The following MYLK4 variants were observed in gnomAD, a reference collection of about 807,000 sequenced individuals.
The protein encoded by MYLK4 is caMLCK like.
A neutral mutation model predicts 48.1 loss-of-function variants in MYLK4; 46 were observed. The ratio of observed to expected loss-of-function variants is 0.96; its 90% confidence interval spans 0.75 to 1.22. The LOEUF (loss-of-function observed/expected upper bound fraction) is 1.22, where lower values mean the gene tolerates loss of function less well. MYLK4 is among the 50% of genes most tolerant of loss of function. The pLI is 0.00. For missense variants in MYLK4, 451 were observed against 486.1 expected, an observed-to-expected ratio of 0.93 and a Z score of 0.68; for synonymous variants, 170 against 180.8, an observed-to-expected ratio of 0.94 and a Z score of 0.48.
intron 2 of MYLK4, among the ~76,000 whole-genome samples, chr6:2,704,688 C>T (rs929652719): frequency 5.3e-5 from 8 of 152,164 alleles, no homozygotes; most frequent in Non-Finnish European, 1.2e-4. Flanking sequence ...GTTGCTGCCA[C>T]ATTTTACTTT....
At chr6:2,725,571 G>GAAAA (rs1353656570) in intron 2 of MYLK4, among the ~76,000 whole-genome samples, 1 of 123,416 alleles carries the variant, frequency 8.1e-6, no homozygotes, top group Non-Finnish European at 1.7e-5. Context: ...AAGAAAGAAA[G>GAAAA]AAAGAAAAAG....
chr6:2,688,816 T>C, intron 4 of MYLK4, 35 bp downstream of exon 4: 2 of 1,547,448 alleles, frequency 1.3e-6, no homozygotes, highest in Non-Finnish European at 1.8e-6. Context: ...CTCTCTTCTT[T>C]TGTTGAGAGA....
At chr6:2,747,684 T>C (rs965819395) in intron 2 of MYLK4, among the ~76,000 whole-genome samples, 1 of 152,182 alleles carries the variant, frequency 6.6e-6, no homozygotes, top group African/African-American at 2.4e-5. Context: ...TGCCCATTTA[T>C]AAAAATTGTA....
At chr6:2,762,213 T>G in the MYLK4 span, among the ~76,000 whole-genome samples, 4 of 152,188 alleles carry the variant, frequency 2.6e-5, no homozygotes, top group African/African-American at 9.7e-5. Context: ...CTATCTCTCT[T>G]AATTTTTACT....
the MYLK4 span, chr6:2,765,614 G>A: frequency 6.6e-7 from 1 of 1,511,850 alleles, no homozygotes; most frequent in Non-Finnish European, 8.8e-7. Flanking sequence ...GGGGAGGGCG[G>A]CGGCCGCCAT....
At chr6:2,696,494 A>G (rs2113195534) in intron 2 of MYLK4, among the ~76,000 whole-genome samples, 1 of 152,206 alleles carries the variant, frequency 6.6e-6, no homozygotes, top group East Asian at 1.9e-4. Context: ...AAGTTTGCTC[A>G]CTCTTTATGG....
At chr6:2,741,197 T>C (rs1226955774) in intron 2 of MYLK4, among the ~76,000 whole-genome samples, 1 of 152,194 alleles carries the variant, frequency 6.6e-6, no homozygotes, top group Non-Finnish European at 1.5e-5. Flanking sequence ...AACTAATAGA[T>C]AAATGTGCCT....
chr6:2,683,999 A>AC (rs2113132465), intron 6 of MYLK4, among the ~76,000 whole-genome samples: 1 of 152,332 alleles, frequency 6.6e-6, no homozygotes, highest in Admixed American at 6.5e-5. Context: ...CTGAACCTGT[A>AC]TATACTATGT....
At chr6:2,749,110 A>T in intron 2 of MYLK4, 26 bp downstream of exon 2, 1 of 1,602,232 alleles carries the variant, frequency 6.2e-7, no homozygotes, top group Non-Finnish European at 8.5e-7. Context: ...AATACTTTTT[A>T]GGAGACTAAA....
intron 3 of MYLK4, among the ~76,000 whole-genome samples, chr6:2,691,810 A>G (rs1761813329): frequency 6.6e-6 from 1 of 152,246 alleles, no homozygotes; most frequent in Non-Finnish European, 1.5e-5. Context: ...GCAAGAAGAA[A>G]AAATAATGGC....
chr6:2,670,319 T>TCGCA (rs1273288695), intron 12 of MYLK4, among the ~76,000 whole-genome samples: 39 of 152,064 alleles, frequency 2.6e-4, no homozygotes. Context: ...TGAGCCAAGA[T>TCGCA]CGCACCATTG....
rs1760963150 is a variant in MYLK4 at position 2,673,034 on chromosome 6, A to G, written c.1120-1686T>C. Among the ~76,000 whole-genome samples the G allele has an allele frequency of 6.6e-6, 1 of 152,234 alleles. No individual in the cohort carries two copies. ...AAAAACCCATCATCACTCTTGAACT[A>G]TCTATTCACCTCAGGTACCAGCAGA... On this transcript the variant is annotated intron_variant, in intron 11 of 12. Transcript: ENST00000274643. This position sits in a 1 kb window ranked among gnomAD's most constrained non-coding sequence, Gnocchi z 4.2.
At chr6:2,729,389 C>T (rs765759925) in intron 2 of MYLK4, among the ~76,000 whole-genome samples, 3 of 152,206 alleles carry the variant, frequency 2.0e-5, no homozygotes, top group South Asian at 2.1e-4. Flanking sequence ...CAAGGCAGGT[C>T]GGCTGTGGGA....
intron 2 of MYLK4, among the ~76,000 whole-genome samples, chr6:2,726,326 G>C (rs1367701376): frequency 1.3e-5 from 2 of 152,166 alleles, no homozygotes; most frequent in Admixed American, 1.3e-4. Flanking sequence ...AGGAGCCCAG[G>C]GCCAGCAGAG....
At chr6:2,763,848 GA>G in the MYLK4 span, among the ~76,000 whole-genome samples, 3 of 149,964 alleles carry the variant, frequency 2.0e-5, no homozygotes, top group Non-Finnish European at 4.4e-5. Context: ...AGGGACAAAT[GA>G]AAAAAAAAAG....
the MYLK4 span, among the ~76,000 whole-genome samples, chr6:2,767,531 C>T: frequency 6.6e-6 from 1 of 152,208 alleles, no homozygotes; most frequent in Non-Finnish European, 1.5e-5. Context: ...CATGCCTTCC[C>T]TTTGGCCAGG....
intron 7 of MYLK4, among the ~76,000 whole-genome samples, chr6:2,681,558 C>T (rs1161584196): frequency 1.3e-5 from 2 of 152,100 alleles, no homozygotes; most frequent in African/African-American, 2.4e-5. Context: ...AATAAGTTAG[C>T]CTTTTTATGA....
At chr6:2,713,190 G>A (rs891543936) in intron 2 of MYLK4, among the ~76,000 whole-genome samples, 10 of 152,004 alleles carry the variant, frequency 6.6e-5, no homozygotes, top group Non-Finnish European at 1.3e-4. Flanking sequence ...GACCAACACG[G>A]AGAAACCCCA....
chr6:2,697,938 ACT>A (rs1491384875), intron 2 of MYLK4, among the ~76,000 whole-genome samples: 1 of 152,166 alleles, frequency 6.6e-6, no homozygotes, highest in Non-Finnish European at 1.5e-5. Flanking sequence ...CTGTGAGAAC[ACT>A]CTGTCATCAG....
Sources: gnomAD v4.1 joint callset for allele counts (sites outside exome capture counted in the v4.1 genomes callset) on GRCh38, gnomAD v4.1.1 for gene constraint, Gnocchi (gnomAD v3.1) non-coding constraint, MANE v1.5 for transcripts, NCBI Gene and HGNC (gene_info 2026-07-23, HGNC 2026-07-21) for gene names.